ARHGEF26: variants seen among roughly 807,000 people sequenced by gnomAD.
The protein encoded by ARHGEF26 is Rho guanine nucleotide exchange factor (GEF) 26.
Under a neutral mutation model 89.4 loss-of-function variants are expected in ARHGEF26, and 59 were observed. The observed-to-expected ratio is 0.66, with a 90% CI of 0.54 to 0.82. The LOEUF (loss-of-function observed/expected upper bound fraction) is 0.82, where lower values mean the gene tolerates loss of function less well. ARHGEF26 is among the 40% of genes least tolerant of loss of function. The probability of loss-of-function intolerance (pLI) is 0.00; values close to 1 mark genes in which losing one functional copy is unlikely to be tolerated. For synonymous variants in ARHGEF26, 500 were observed against 428.4 expected, an observed-to-expected ratio of 1.17 and a Z score of -2.06; for missense variants, 1,234 against 1,085.6, an observed-to-expected ratio of 1.14 and a Z score of -1.92.
At chr3:154,186,166 C>CA (rs397991429) in intron 6 of ARHGEF26, among the ~76,000 whole-genome samples, 5 of 144,804 alleles carry the variant, frequency 3.5e-5, no homozygotes, top group South Asian at 2.1e-4. Flanking sequence ...CACACACACA[C>CA]CCCTATACAC....
At chr3:154,129,257 A>T (rs139325306) in intron 3 of ARHGEF26, among the ~76,000 whole-genome samples, 1 of 152,254 alleles carries the variant, frequency 6.6e-6, no homozygotes, top group East Asian at 1.9e-4. Flanking sequence ...TAAATAAAAG[A>T]TAGGATGTAA....
In ARHGEF26 at chr3:154,255,481, G is replaced by C. The variant is rs758413041; in HGVS notation, c.*8G>C. 9 of 1,610,172 alleles carry C rather than the reference G, an allele frequency of 5.6e-6. No homozygotes were observed. In the African/African-American group the frequency reaches 8.0e-5, roughly 14 times the overall value. ...CTGGAGACCAACGTGTAGTCTCTCA[G>C]ATGGTCTTTTGTTACTGCAAGATTT... On this transcript the variant is annotated 3_prime_UTR_variant, in exon 15 of 15. Transcript: ENST00000465093.
At chr3:154,239,970 G>A (rs1440817312) in intron 11 of ARHGEF26, among the ~76,000 whole-genome samples, 1 of 152,004 alleles carries the variant, frequency 6.6e-6, no homozygotes, top group Non-Finnish European at 1.5e-5. Context: ...GGTTTGGGGG[G>A]TGAGGTCTTG....
chr3:154,166,653 G>T (rs746196360), intron 6 of ARHGEF26, among the ~76,000 whole-genome samples: 2 of 152,134 alleles, frequency 1.3e-5, no homozygotes, highest in African/African-American at 4.8e-5. Context: ...CTCCAGAGCT[G>T]CTTTTAATCC....
At chr3:154,252,995 C>T (rs993163973) in intron 12 of ARHGEF26, 121 bp from the exon 13 acceptor site, 73 of 1,065,654 alleles carry the variant, frequency 6.9e-5, no homozygotes, top group Non-Finnish European at 9.6e-5. Context: ...CCCTGTTTTA[C>T]CATACCTCTC....
chr3:154,208,630 G>A (rs961473661), intron 9 of ARHGEF26, among the ~76,000 whole-genome samples: 4 of 151,556 alleles, frequency 2.6e-5, no homozygotes, highest in Non-Finnish European at 2.9e-5. Context: ...TAATCATTTT[G>A]TATTCTTTTT....
At chr3:154,253,819 T>C (rs1026642129) in intron 13 of ARHGEF26, among the ~76,000 whole-genome samples, 5 of 152,204 alleles carry the variant, frequency 3.3e-5, no homozygotes, top group African/African-American at 1.2e-4. Context: ...AACATTGTTA[T>C]CCTGGAACAC....
chr3:154,152,823 A>AT lies in ARHGEF26; in HGVS notation c.1379dup (p.Ile462AspfsTer5). 6.4e-7 allele frequency: 1 copy of AT among 1,569,526 alleles called. No homozygotes were observed. Among genetic ancestry groups the AT allele is most frequent in the South Asian group, 1.2e-5 (1 of 84,378 alleles). On this transcript the variant is annotated frameshift_variant, in exon 6 of 15. Coordinates refer to ENST00000465093, the MANE Select transcript of ARHGEF26 (RefSeq NM_015595.4). LOFTEE classifies it high-confidence loss of function. ...ACATTCATATTTACTCAGCTTGGAG[A>AT]TCTTGATACGAATGTTTAAAAATTC...
In ARHGEF26 at chr3:154,191,339, AAGACT is replaced by A. The variant is rs1300928807; in HGVS notation, c.1692_1696del (p.Asp565Ter). The A allele has an allele frequency of 1.9e-6, 3 of 1,613,578 alleles. No homozygotes were observed. The African/African-American group carries it at 4.0e-5, about 22-fold the overall frequency. On this transcript the variant is annotated frameshift_variant, in exon 8 of 15. Coordinates refer to ENST00000465093, the MANE Select transcript of ARHGEF26 (RefSeq NM_015595.4). LOFTEE classifies it high-confidence loss of function. ...GTATTGTCAAGGATTGAGTCCCATG[AAGACT>A]GTAGGAACTTACCCATGATCTCTTT...
At chr3:154,235,413 A>G (rs1265373662) in intron 11 of ARHGEF26, among the ~76,000 whole-genome samples, 1 of 152,160 alleles carries the variant, frequency 6.6e-6, no homozygotes, top group Non-Finnish European at 1.5e-5. Context: ...GGTGTTATTC[A>G]TATATACAAA....
chr3:154,182,322 A>C (rs1234030670), intron 6 of ARHGEF26, among the ~76,000 whole-genome samples: 1 of 152,142 alleles, frequency 6.6e-6, no homozygotes, highest in Non-Finnish European at 1.5e-5. Context: ...TGCATGAAGG[A>C]TGAGTGGGAT....
chr3:154,177,838 T>C (rs1194101224), intron 6 of ARHGEF26, among the ~76,000 whole-genome samples: 2 of 152,350 alleles, frequency 1.3e-5, no homozygotes, highest in East Asian at 3.9e-4. Flanking sequence ...GAGAGCATTC[T>C]GTATGTGAAC....
chr3:154,252,915 C>T (rs1718245852), intron 12 of ARHGEF26, among the ~76,000 whole-genome samples: 1 of 151,854 alleles, frequency 6.6e-6, no homozygotes, highest in Non-Finnish European at 1.5e-5. Context: ...CATTCAGACT[C>T]TTTTGACAAT....
At position 154,202,065 on chromosome 3, in the gene ARHGEF26, A is replaced by G. The variant is rs1006093085; in HGVS notation, c.1845+7347A>G. On this transcript the variant is annotated intron_variant, in intron 9 of 14. Transcript: ENST00000465093. ...TGCCATTTGTTTTGGTGTTTTAGAC[A>G]TGAAGTCCTTGCCCATGCCTATGTC... 6.6e-5 allele frequency among the ~76,000 whole-genome samples: 10 copies of G among 152,318 alleles called. No homozygotes were observed. The South Asian group carries it at 1.9e-3, about 28-fold the overall frequency.
upstream of ARHGEF26, chr3:154,121,197 T>C (rs1436775764): frequency 6.6e-6 from 1 of 152,320 alleles, no homozygotes; most frequent in African/African-American, 2.4e-5. Context: ...AGTCCGCAAC[T>C]TCTAGCCCCA....
At chr3:154,245,358 G>A (rs958445909) in intron 12 of ARHGEF26, among the ~76,000 whole-genome samples, 1 of 152,152 alleles carries the variant, frequency 6.6e-6, no homozygotes, top group Non-Finnish European at 1.5e-5. Flanking sequence ...AAGGAAAAAA[G>A]ATTGTGGAAA....
intron 9 of ARHGEF26, among the ~76,000 whole-genome samples, chr3:154,205,310 T>G (rs1049608217): frequency 6.6e-6 from 1 of 152,186 alleles, no homozygotes; most frequent in Admixed American, 6.5e-5. Flanking sequence ...GTGTCTGATA[T>G]AAGTATAGCA....
chr3:154,139,648 C>T (rs1230693892), intron 4 of ARHGEF26, among the ~76,000 whole-genome samples: 2 of 152,226 alleles, frequency 1.3e-5, no homozygotes, highest in South Asian at 2.1e-4. Flanking sequence ...TTCTCAGGGC[C>T]ACATCCACAC....
intron 11 of ARHGEF26, among the ~76,000 whole-genome samples, chr3:154,237,538 TCACA>T (rs71152796): frequency 0.015 from 2,152 of 143,284 alleles, 19 homozygotes; most frequent in South Asian, 0.038. Context: ...TGAGACTCCG[TCACA>T]CACACACACA....
Sources: gnomAD v4.1 joint callset for allele counts (sites outside exome capture counted in the v4.1 genomes callset) on GRCh38, gnomAD v4.1.1 for gene constraint, MANE v1.5 for transcripts, NCBI Gene and HGNC (gene_info 2026-07-23, HGNC 2026-07-21) for gene names.